DCC: variants seen among roughly 807,000 people sequenced by gnomAD.
DCC encodes netrin receptor DCC.
A neutral mutation model predicts 172.5 loss-of-function variants in DCC; 58 were observed. That is an observed-to-expected ratio of 0.34 (90% CI 0.27 to 0.42). The LOEUF (loss-of-function observed/expected upper bound fraction) is 0.42. Among genes scored for constraint, DCC ranks in the 10% least tolerant of loss-of-function variants. The pLI is 1.00. For missense variants in DCC, 1,740 were observed against 1,791.0 expected (o/e 0.97, Z 0.51); for synonymous variants, 709 against 644.5 (o/e 1.10, Z -1.52).
intron 7 of DCC, among the ~76,000 whole-genome samples, chr18:53,146,946 T>TA (rs1697767037): frequency 6.6e-6 from 1 of 152,194 alleles, no homozygotes; most frequent in African/African-American, 2.4e-5. Context: ...TTTTTTAAAT[T>TA]AAAAAAGACT....
At chr18:53,354,583 A>G (rs371209753) in intron 15 of DCC, among the ~76,000 whole-genome samples, 2 of 152,164 alleles carry the variant, frequency 1.3e-5, no homozygotes, top group South Asian at 2.1e-4. Flanking sequence ...GTCTGTTCAT[A>G]TCCTTCGCCC....
chr18:53,043,232 G>A (rs1316370642), intron 5 of DCC, among the ~76,000 whole-genome samples: 2 of 151,050 alleles, frequency 1.3e-5, no homozygotes, highest in African/African-American at 4.9e-5. Context: ...AAACCAAACA[G>A]CGCATGTTCT....
chr18:52,694,415 T>C (rs2035978598), intron 1 of DCC, among the ~76,000 whole-genome samples: 1 of 152,068 alleles, frequency 6.6e-6, no homozygotes, highest in Non-Finnish European at 1.5e-5. Flanking sequence ...TTTCAGTTAG[T>C]AGTAAAAAAA....
intron 1 of DCC, among the ~76,000 whole-genome samples, chr18:52,728,469 A>C (rs534101505): frequency 6.6e-6 from 1 of 152,318 alleles, no homozygotes; most frequent in East Asian, 1.9e-4. Context: ...ATTGTTATAC[A>C]TGAAAATATA....
chr18:52,477,005 G>A (rs1483128606), intron 1 of DCC, among the ~76,000 whole-genome samples: 1 of 152,092 alleles, frequency 6.6e-6, no homozygotes, highest in Non-Finnish European at 1.5e-5. Flanking sequence ...CCGAGCCATG[G>A]GAAAGACCGC....
chr18:53,343,514 C>G (rs925478383), intron 15 of DCC, among the ~76,000 whole-genome samples: 1 of 151,676 alleles, frequency 6.6e-6, no homozygotes, highest in Admixed American at 6.6e-5. Context: ...GTGTGGCCAT[C>G]ATGTATTATC....
chr18:52,343,936 A>G (rs1598848977), intron 1 of DCC, among the ~76,000 whole-genome samples: 1 of 40,958 alleles, frequency 2.4e-5, no homozygotes, highest in Non-Finnish European at 5.0e-5. Flanking sequence ...GTGCCGCAGT[A>G]TAAATCACCA....
At chr18:52,399,960 C>T (rs959678752) in intron 1 of DCC, among the ~76,000 whole-genome samples, 3 of 151,860 alleles carry the variant, frequency 2.0e-5, no homozygotes, top group African/African-American at 7.3e-5. Flanking sequence ...TCAAAAGTAA[C>T]AAATTAGTGA....
chr18:53,416,067 A>G, intron 20 of DCC, 57 bp from the exon 21 acceptor site: 2 of 1,323,526 alleles, frequency 1.5e-6, no homozygotes, highest in Non-Finnish European at 2.2e-6. Flanking sequence ...TTGATATGTC[A>G]GCTTTCTTGC....
intron 1 of DCC, among the ~76,000 whole-genome samples, chr18:52,669,191 G>A (rs112875129): frequency 6.6e-6 from 1 of 152,104 alleles, no homozygotes; most frequent in Non-Finnish European, 1.5e-5. Context: ...GGTGGGGGCC[G>A]CAAGATTAGA....
chr18:52,533,419 C>T (rs1837338871), intron 1 of DCC, among the ~76,000 whole-genome samples: 3 of 152,088 alleles, frequency 2.0e-5, no homozygotes. Context: ...CCATCCCTAG[C>T]CTCTCGCAAC....
chr18:53,131,953 ATTTTTTTTTTTTTTTTTT>A (rs71175556), intron 7 of DCC, among the ~76,000 whole-genome samples: 15 of 58,260 alleles, frequency 2.6e-4, no homozygotes, highest in Admixed American at 1.7e-3. Flanking sequence ...TCTCTAAGTG[ATTTTTTTTTTTTTTTTTT>A]TTTTTTTTTT....
intron 5 of DCC, among the ~76,000 whole-genome samples, chr18:53,031,589 A>C (rs2042025773): frequency 6.6e-6 from 1 of 152,126 alleles, no homozygotes; most frequent in Non-Finnish European, 1.5e-5. Context: ...ACAAAATAAA[A>C]TTTGAGTGAA....
chr18:53,534,431 C>A lies in DCC; in HGVS notation c.*3778C>A, dbSNP rs1394230329. The A allele has an allele frequency of 2.6e-5, 4 of 152,332 alleles. 1 individual carries two copies. The East Asian group carries it at 7.7e-4, about 29-fold the overall frequency. The allele number at this position is 152,332 out of a possible 1,614,324, so 9.4% of individuals were successfully genotyped here. A position where few individuals can be genotyped will look rare whatever the true frequency, so the allele number is the denominator to read the frequency against. ...GGTTACTATCCTAACCTGCTCATAA[C>A]CATATACTATACAGAGCCCACAACT... On this transcript the variant is annotated 3_prime_UTR_variant, in exon 29 of 29. Transcript: ENST00000442544.
chr18:52,581,528 A>G (rs2033550389), intron 1 of DCC, among the ~76,000 whole-genome samples: 1 of 152,182 alleles, frequency 6.6e-6, no homozygotes, highest in Non-Finnish European at 1.5e-5. Flanking sequence ...GGTGAGTGAC[A>G]GCCTATATAA....
chr18:53,252,367 C>T (rs17501820), intron 12 of DCC, among the ~76,000 whole-genome samples: 44,170 of 151,748 alleles, frequency 0.29, 8,290 homozygotes, highest in Non-Finnish European at 0.43. Flanking sequence ...CAAAGAAAGA[C>T]TGAGACTTAA....
chr18:53,025,158 A>T (rs1463033648), intron 5 of DCC, among the ~76,000 whole-genome samples: 1 of 152,126 alleles, frequency 6.6e-6, no homozygotes, highest in Non-Finnish European at 1.5e-5. Context: ...CAATCAAATG[A>T]TGTATGAGGA....
chr18:52,371,048 A>G (rs900517505), intron 1 of DCC, among the ~76,000 whole-genome samples: 1 of 152,194 alleles, frequency 6.6e-6, no homozygotes, highest in African/African-American at 2.4e-5. Flanking sequence ...ACTCCATTAC[A>G]AAGAGAACTC....
At chr18:52,856,115 T>A (rs2039049058) in intron 2 of DCC, among the ~76,000 whole-genome samples, 1 of 152,126 alleles carries the variant, frequency 6.6e-6, no homozygotes, top group African/African-American at 2.4e-5. Context: ...ATAAAGGTGA[T>A]TATGATTCAA....
Sources: allele counts gnomAD v4.1 joint callset (sites outside exome capture counted in the v4.1 genomes callset), GRCh38; gene constraint gnomAD v4.1.1; transcripts MANE v1.5; gene names NCBI Gene and HGNC (gene_info 2026-07-23, HGNC 2026-07-21).